The following CSMD1 variants were observed in gnomAD, a reference collection of about 807,000 sequenced individuals.
The protein encoded by CSMD1 is CUB and sushi domain-containing protein 1.
A neutral mutation model predicts 417.5 loss-of-function variants in CSMD1; 213 were observed. That is an observed-to-expected ratio of 0.51 (90% CI 0.46 to 0.57). The LOEUF is 0.57. Among genes scored for constraint, CSMD1 ranks in the 20% least tolerant of loss-of-function variants. The probability of loss-of-function intolerance (pLI) is 0.00; values close to 1 mark genes in which losing one functional copy is unlikely to be tolerated. For missense variants in CSMD1, 6,923 were observed against 4,529.7 expected (o/e 1.53, Z -15.17); for synonymous variants, 2,862 against 1,736.8 (o/e 1.65, Z -16.11).
At chr8:4,737,947 T>C (rs1440167805) in intron 1 of CSMD1, among the ~76,000 whole-genome samples, 3 of 152,194 alleles carry the variant, frequency 2.0e-5, no homozygotes, top group Non-Finnish European at 2.9e-5. Context: ...AATTATGAAA[T>C]GTTAATTTTC....
intron 5 of CSMD1, among the ~76,000 whole-genome samples, chr8:3,852,257 C>G (rs112935012): frequency 8.5e-5 from 13 of 152,182 alleles, no homozygotes; most frequent in African/African-American, 2.6e-4. Context: ...GAGGTGGTAA[C>G]CATCCTGTAG....
intron 1 of CSMD1, among the ~76,000 whole-genome samples, chr8:4,814,885 T>C (rs577553935): frequency 5.2e-4 from 79 of 152,318 alleles, no homozygotes; most frequent in African/African-American, 1.8e-3. Context: ...ATTTCACTGA[T>C]AAAAACTATA....
rs566304569 is a variant in CSMD1 at position 4,993,602 on chromosome 8, TAGA to T, written c.85+727_85+729del. Among the ~76,000 whole-genome samples the T allele has an allele frequency of 1.4e-4, 21 of 152,146 alleles. 1 individual carries two copies. In the South Asian group the frequency reaches 2.1e-3, roughly 15 times the overall value. On this transcript the variant is annotated intron_variant, in intron 1 of 69. Coordinates refer to ENST00000635120, the MANE Select transcript of CSMD1 (RefSeq NM_033225.6). ...GAGAAACTCCTTCCCCTGACCAGCGTAGAAGGAGGATACCCGTGCGCCCACAGT... is the reference window on the plus strand; with the variant it reads ...GAGAAACTCCTTCCCCTGACCAGCGTAGGAGGATACCCGTGCGCCCACAGT...
intron 3 of CSMD1, among the ~76,000 whole-genome samples, chr8:4,253,330 C>G (rs1016327680): frequency 2.6e-5 from 4 of 152,138 alleles, no homozygotes; most frequent in African/African-American, 9.7e-5. Context: ...TTTTCCCCTA[C>G]TATAGAACTT....
intron 12 of CSMD1, among the ~76,000 whole-genome samples, chr8:3,422,427 G>T (rs1449704079): frequency 1.3e-5 from 2 of 152,104 alleles, no homozygotes; most frequent in Non-Finnish European, 2.9e-5. Flanking sequence ...TTCCCAAAAT[G>T]CCTATTGAAA....
At chr8:4,551,647 T>A (rs1005630461) in intron 2 of CSMD1, among the ~76,000 whole-genome samples, 1 of 152,130 alleles carries the variant, frequency 6.6e-6, no homozygotes, top group East Asian at 1.9e-4. Context: ...ACAATGTTGG[T>A]CCCAACACTT....
At chr8:3,547,152 T>G (rs1798701981) in intron 10 of CSMD1, among the ~76,000 whole-genome samples, 2 of 152,184 alleles carry the variant, frequency 1.3e-5, no homozygotes, top group East Asian at 1.9e-4. Flanking sequence ...GGACAAGCTC[T>G]GGGCTTGGCA....
chr8:3,260,346 G>C (rs889309640), intron 26 of CSMD1, among the ~76,000 whole-genome samples: 2 of 152,134 alleles, frequency 1.3e-5, no homozygotes, highest in African/African-American at 4.8e-5. Flanking sequence ...GGAACCAGCA[G>C]CTGGAGTTTT....
intron 2 of CSMD1, among the ~76,000 whole-genome samples, chr8:4,513,056 G>A (rs1200051092): frequency 6.6e-6 from 1 of 152,176 alleles, no homozygotes; most frequent in Non-Finnish European, 1.5e-5. Flanking sequence ...TTATCTGTAT[G>A]ATACTATAAG....
At chr8:3,702,837 A>G (rs1397251654) in intron 7 of CSMD1, among the ~76,000 whole-genome samples, 1 of 152,146 alleles carries the variant, frequency 6.6e-6, no homozygotes, top group Non-Finnish European at 1.5e-5. Flanking sequence ...TCAATAACAA[A>G]CAAATATATA....
chr8:3,933,943 G>C (rs1188174236), intron 5 of CSMD1, among the ~76,000 whole-genome samples: 4 of 152,068 alleles, frequency 2.6e-5, no homozygotes, highest in Non-Finnish European at 5.9e-5. Context: ...AAACCAGCCA[G>C]GGACCTAGGC....
intron 8 of CSMD1, among the ~76,000 whole-genome samples, chr8:3,601,082 C>A (rs1801339292): frequency 6.6e-6 from 1 of 152,148 alleles, no homozygotes; most frequent in Non-Finnish European, 1.5e-5. Flanking sequence ...GATACCAGGT[C>A]ATACATGCTA....
At chr8:4,129,040 C>T (rs1802932412) in intron 3 of CSMD1, among the ~76,000 whole-genome samples, 1 of 136,886 alleles carries the variant, frequency 7.3e-6, no homozygotes, top group Non-Finnish European at 1.5e-5. Flanking sequence ...CGCGCCACTG[C>T]ACTCCAGCGT....
chr8:3,377,421 T>C (rs992880550), intron 18 of CSMD1, among the ~76,000 whole-genome samples: 1 of 152,216 alleles, frequency 6.6e-6, no homozygotes. Flanking sequence ...CAAATTTACA[T>C]ACATTTATAT....
intron 5 of CSMD1, among the ~76,000 whole-genome samples, chr8:3,898,667 T>C (rs1297608536): frequency 6.6e-6 from 1 of 152,216 alleles, no homozygotes; most frequent in African/African-American, 2.4e-5. Context: ...GACCTGGTAT[T>C]TGTTGGTTTG....
chr8:3,228,093 A>G (rs1213785677), intron 27 of CSMD1, among the ~76,000 whole-genome samples: 1 of 152,214 alleles, frequency 6.6e-6, no homozygotes, highest in Non-Finnish European at 1.5e-5. Flanking sequence ...TGGATTACAT[A>G]TACATAATTA....
chr8:3,211,445 G>C (rs1030124247), intron 30 of CSMD1, among the ~76,000 whole-genome samples: 1 of 152,160 alleles, frequency 6.6e-6, no homozygotes, highest in African/African-American at 2.4e-5. Flanking sequence ...CAGAGATCGA[G>C]GTTGCATGCT....
chr8:4,887,994 C>G (rs940710614), intron 1 of CSMD1, among the ~76,000 whole-genome samples: 1 of 151,978 alleles, frequency 6.6e-6, no homozygotes, highest in Non-Finnish European at 1.5e-5. Context: ...ACAATATAGG[C>G]TTACATGCCT....
intron 2 of CSMD1, among the ~76,000 whole-genome samples, chr8:4,446,723 G>C (rs570606200): frequency 8.2e-5 from 12 of 145,748 alleles, no homozygotes; most frequent in African/African-American, 2.8e-4. Flanking sequence ...TGAGTTGTGT[G>C]TGTGTGTGTC....
Sources: gnomAD v4.1 joint callset for allele counts (sites outside exome capture counted in the v4.1 genomes callset) on GRCh38, gnomAD v4.1.1 for gene constraint, MANE v1.5 for transcripts, NCBI Gene and HGNC (gene_info 2026-07-23, HGNC 2026-07-21) for gene names.